Variants in PTCHD1 observed in about 807,000 individuals in gnomAD.
PTCHD1 encodes the protein patched domain-containing protein 1.
A neutral mutation model predicts 34.6 loss-of-function variants in PTCHD1; 3 were observed. That is an observed-to-expected ratio of 0.09 (90% confidence interval 0.04 to 0.22). The LOEUF (loss-of-function observed/expected upper bound fraction) is 0.22, where lower values mean the gene tolerates loss of function less well. PTCHD1 is among the 10% of genes least tolerant of loss of function. The probability of loss-of-function intolerance (pLI) is 1.00; values close to 1 mark genes in which losing one functional copy is unlikely to be tolerated. For missense variants in PTCHD1, 504 were observed against 685.5 expected (o/e 0.74, Z 2.96); for synonymous variants, 305 against 283.1 (o/e 1.08, Z -0.77).
chrX:23,363,757 C>A (rs896590214), intron 1 of PTCHD1, among the ~76,000 whole-genome samples: 3 of 112,652 alleles, frequency 2.7e-5, no homozygotes, highest in East Asian at 2.8e-4. Context: ...GTGCTGCAGA[C>A]CAGAGCTGTT....
At chrX:23,391,364 G>A (rs1331343439) in intron 2 of PTCHD1, among the ~76,000 whole-genome samples, 1 of 110,631 alleles carries the variant, frequency 9.0e-6, no homozygotes, top group Non-Finnish European at 1.9e-5. Context: ...TAACCAAATT[G>A]GTCAAACAGA....
Position 23,393,869 on chromosome X carries a change from C to A in PTCHD1, c.2351C>A (p.Thr784Asn). ...GTTCTGGGCAAGGATTTCACAAGAACTAAATGGGTAAAAAATGCCCTGGAA... is the reference window on the plus strand; with the variant it reads ...GTTCTGGGCAAGGATTTCACAAGAAATAAATGGGTAAAAAATGCCCTGGAA... ...TFVLGKDFTRTKWVKNALEVH... is the reference protein window; with the variant it reads ...TFVLGKDFTRNKWVKNALEVH... The change falls in exon 3 of 3, where the codon ACT (threonine) becomes AAT (asparagine). Residue 784 changes from threonine to asparagine, a missense_variant. Coordinates refer to ENST00000379361, the MANE Select transcript of PTCHD1 (RefSeq NM_173495.3). 8.3e-7 allele frequency: 1 copy of A among 1,211,559 alleles called. No homozygotes were observed. Among genetic ancestry groups the A allele is most frequent in the East Asian group, 3.0e-5 (1 of 33,849 alleles).
chrX:23,355,176 C>T (rs934261508), intron 1 of PTCHD1, among the ~76,000 whole-genome samples: 1 of 110,726 alleles, frequency 9.0e-6, no homozygotes, highest in Admixed American at 9.6e-5. Flanking sequence ...CGAGATTCCA[C>T]GGAAGGTGTC....
chrX:23,346,282 C>G (rs1253913153), intron 1 of PTCHD1, among the ~76,000 whole-genome samples: 1 of 111,669 alleles, frequency 9.0e-6, no homozygotes, highest in Non-Finnish European at 1.9e-5. Flanking sequence ...AGAGTTTATT[C>G]AGCAGGAGCC....
At position 23,379,488 on chromosome X, in the gene PTCHD1, T is replaced by C. The variant is rs756930930; in HGVS notation, c.352-103T>C. 5.7e-5 allele frequency: 49 copies of C among 854,524 alleles called. No individual in the cohort carries two copies. In the East Asian group the frequency reaches 1.4e-3, roughly 24 times the overall value. The allele number at this position is 854,524 out of a possible 1,213,427, so 70.4% of individuals were successfully genotyped here. On this transcript the variant is annotated intron_variant, in intron 1 of 2. Coordinates refer to ENST00000379361, the MANE Select transcript of PTCHD1 (RefSeq NM_173495.3). Reference sequence around the variant, plus strand: ...CTATTTCTGATCTAGGTTTATAACATTTGATTTGAACTGTTTAGCTTAGAG... The same window carrying C: ...CTATTTCTGATCTAGGTTTATAACACTTGATTTGAACTGTTTAGCTTAGAG...
rs780617609 is a variant in PTCHD1, at chrX:23,360,103, A to C, written c.352-19488A>C. On this transcript the variant is annotated intron_variant, in intron 1 of 2. Transcript: ENST00000379361. ...GATGTTCATCAGGGATATTTACCTA[A>C]ATTCTCTTTTTTTGTTGTGTCTCTG... 9.8e-5 allele frequency among the ~76,000 whole-genome samples: 11 copies of C among 111,827 alleles called. No homozygotes were observed. In the South Asian group the frequency reaches 2.3e-3, roughly 23 times the overall value.
chrX:23,365,519 C>T (rs1922117501), intron 1 of PTCHD1, among the ~76,000 whole-genome samples: 1 of 110,714 alleles, frequency 9.0e-6, no homozygotes, highest in African/African-American at 3.3e-5. Flanking sequence ...GAGGAAGGAG[C>T]CTAAAAGGGC....
rs748619200 is a variant in PTCHD1, at chrX:23,394,652, C to G, written c.*467C>G. The G allele has an allele frequency of 1.6e-4, 20 of 121,918 alleles. No individual in the cohort carries two copies. Among genetic ancestry groups the G allele is most frequent in the Non-Finnish European group, 3.4e-5 (2 of 58,520 alleles). The allele number at this position is 121,918 out of a possible 1,213,427, so 10.0% of individuals were successfully genotyped here. On this transcript the variant is annotated 3_prime_UTR_variant, in exon 3 of 3. Transcript: ENST00000379361. ...CCAGAACTTCTGTAGAGCAGTAGCT[C>G]CAGTCATGGTCTGTGGTTTGAGGTT...
chrX:23,387,519 C>T (rs753585985), intron 2 of PTCHD1, among the ~76,000 whole-genome samples: 1 of 112,154 alleles, frequency 8.9e-6, no homozygotes, highest in African/African-American at 3.2e-5. Context: ...AATTATTAGC[C>T]TAAATTCTTT....
chrX:23,360,936 A>G (rs1470674977), intron 1 of PTCHD1, among the ~76,000 whole-genome samples: 1 of 112,165 alleles, frequency 8.9e-6, no homozygotes, highest in African/African-American at 3.2e-5. Flanking sequence ...CAAGTTGTTC[A>G]GTTTCCCTGT....
At chrX:23,365,116 C>T (rs1249352716) in intron 1 of PTCHD1, among the ~76,000 whole-genome samples, 3 of 110,586 alleles carry the variant, frequency 2.7e-5, no homozygotes, top group Non-Finnish European at 5.7e-5. Context: ...CAGTTGACAG[C>T]ATCAGGCCAT....
chrX:23,392,066 C>CTTTTTTTTTTTTT (rs778431181), intron 2 of PTCHD1, among the ~76,000 whole-genome samples: 1 of 44,173 alleles, frequency 2.3e-5, no homozygotes, highest in African/African-American at 1.9e-4. Context: ...TTTTTTCTTT[C>CTTTTTTTTTTTTT]TTTCTTTCTT....
At chrX:23,387,173 A>G (rs1922704529) in intron 2 of PTCHD1, among the ~76,000 whole-genome samples, 1 of 112,558 alleles carries the variant, frequency 8.9e-6, no homozygotes, top group Non-Finnish European at 1.9e-5. Flanking sequence ...ACCACTAAAT[A>G]CATTTAAAAT....
intron 1 of PTCHD1, among the ~76,000 whole-genome samples, chrX:23,342,803 T>G (rs1192739697): frequency 1.8e-5 from 2 of 112,100 alleles, no homozygotes; most frequent in African/African-American, 6.5e-5. Context: ...CTCCTCTCTT[T>G]AAGGACCAGT....
At chrX:23,382,261 A>C (rs1435345738) in intron 2 of PTCHD1, among the ~76,000 whole-genome samples, 1 of 112,731 alleles carries the variant, frequency 8.9e-6, no homozygotes, top group Non-Finnish European at 1.9e-5. Flanking sequence ...TATAATATTT[A>C]AAGTTTCTTC....
At chrX:23,384,275 A>G (rs1922633002) in intron 2 of PTCHD1, among the ~76,000 whole-genome samples, 1 of 112,395 alleles carries the variant, frequency 8.9e-6, no homozygotes, top group Non-Finnish European at 1.9e-5. Flanking sequence ...CAAGAGCCCC[A>G]GAGATTTATG....
chrX:23,380,117 T>C lies in PTCHD1; in HGVS notation c.878T>C (p.Val293Ala). Residue 293 changes from valine (V) to alanine (A), a missense_variant, in exon 2 of 3, where the codon GTC (valine) becomes GCC (alanine). Coordinates refer to ENST00000379361, the MANE Select transcript of PTCHD1 (RefSeq NM_173495.3). The stretch of plus-strand genomic sequence containing the variant: ...CTGTGTTGCTCTATGCAGGACTGCG[T>C]CCGCAGCAAACCCTGGCTAGGCCTG... Reference protein sequence around the residue: ...AILCCSMQDCVRSKPWLGLLG... With the variant: ...AILCCSMQDCARSKPWLGLLG... The C allele has an allele frequency of 1.7e-6, 2 of 1,211,862 alleles. No individual in the cohort carries two copies. The highest frequency in any genetic ancestry group is 2.2e-6 in the Non-Finnish European group (2 of 895,391).
chrX:23,379,530 CT>C, intron 1 of PTCHD1, 60 bp from the exon 2 acceptor site: 1 of 1,139,635 alleles, frequency 8.8e-7, no homozygotes, highest in Non-Finnish European at 1.2e-6. Context: ...TGTCCACCCT[CT>C]CCAAAAAATA....
chrX:23,342,204 G>A (rs1193063592), intron 1 of PTCHD1, among the ~76,000 whole-genome samples: 1 of 99,082 alleles, frequency 1.0e-5, no homozygotes, highest in Admixed American at 1.1e-4. Flanking sequence ...AGCCATCATC[G>A]GCTGATTCAA....
Sources: gnomAD v4.1 joint callset for allele counts (sites outside exome capture counted in the v4.1 genomes callset) on GRCh38, gnomAD v4.1.1 for gene constraint, MANE v1.5 for transcripts, NCBI Gene and HGNC (gene_info 2026-07-23, HGNC 2026-07-21) for gene names.